The following EXOC6B variants were observed in gnomAD, a reference collection of about 807,000 sequenced individuals.
The protein encoded by EXOC6B is SEC15 homolog B.
A neutral mutation model predicts 113.5 loss-of-function variants in EXOC6B; 54 were observed. That is an observed-to-expected ratio of 0.48 (90% CI 0.38 to 0.60). The LOEUF (loss-of-function observed/expected upper bound fraction) is 0.60, where lower values mean the gene tolerates loss of function less well. EXOC6B is among the 20% of genes least tolerant of loss of function. The probability of loss-of-function intolerance (pLI) is 0.00; values close to 1 mark genes in which losing one functional copy is unlikely to be tolerated. For synonymous variants in EXOC6B, 357 were observed against 339.0 expected, an observed-to-expected ratio of 1.05 and a Z score of -0.58; for missense variants, 797 against 977.5, an observed-to-expected ratio of 0.82 and a Z score of 2.46.
chr2:72,716,306 T>C (rs1228463886), intron 6 of EXOC6B, among the ~76,000 whole-genome samples: 2 of 152,172 alleles, frequency 1.3e-5, no homozygotes, highest in African/African-American at 2.4e-5. Context: ...AAACACTATT[T>C]TGGGCTTGAG....
intron 16 of EXOC6B, among the ~76,000 whole-genome samples, chr2:72,482,685 T>C (rs1428265163): frequency 1.3e-5 from 2 of 151,970 alleles, no homozygotes; most frequent in African/African-American, 2.4e-5. Flanking sequence ...AATCAGAAAA[T>C]ACATTCTCAC....
At chr2:72,806,034 A>T (rs1284664165) in intron 1 of EXOC6B, among the ~76,000 whole-genome samples, 1 of 151,718 alleles carries the variant, frequency 6.6e-6, no homozygotes, top group East Asian at 1.9e-4. Context: ...TTTTTTTATC[A>T]TTTCAACTTT....
intron 8 of EXOC6B, among the ~76,000 whole-genome samples, chr2:72,551,599 G>A (rs1470810191): frequency 1.3e-5 from 2 of 151,758 alleles, no homozygotes; most frequent in East Asian, 3.9e-4. Flanking sequence ...CCGCCTCCCG[G>A]GTTCACGCCA....
intron 20 of EXOC6B, among the ~76,000 whole-genome samples, chr2:72,315,203 C>T (rs1031793336): frequency 2.0e-5 from 3 of 152,030 alleles, no homozygotes; most frequent in African/African-American, 7.2e-5. Flanking sequence ...TGGAAAAGAG[C>T]CTTCCAGAAA....
At chr2:72,227,597 T>C (rs1681325772) in intron 20 of EXOC6B, among the ~76,000 whole-genome samples, 1 of 152,186 alleles carries the variant, frequency 6.6e-6, no homozygotes, top group South Asian at 2.1e-4. Flanking sequence ...AGAGCACAAC[T>C]GATATGTTTT....
At chr2:72,657,133 G>C (rs959340153) in intron 6 of EXOC6B, among the ~76,000 whole-genome samples, 1 of 151,882 alleles carries the variant, frequency 6.6e-6, no homozygotes, top group Non-Finnish European at 1.5e-5. Flanking sequence ...TTACAGGTGT[G>C]AGCCACCGTG....
chr2:72,740,754 A>G (rs1442976079), intron 2 of EXOC6B, among the ~76,000 whole-genome samples: 1 of 152,180 alleles, frequency 6.6e-6, no homozygotes, highest in Non-Finnish European at 1.5e-5. Context: ...AGAACCAGCT[A>G]CTGATCACTG....
At chr2:72,376,602 C>G (rs368380923) in intron 19 of EXOC6B, among the ~76,000 whole-genome samples, 1 of 152,052 alleles carries the variant, frequency 6.6e-6, no homozygotes, top group South Asian at 2.1e-4. Flanking sequence ...TGTGTTAATA[C>G]TTTTTCTCAA....
chr2:72,554,002 G>A (rs1311204924), intron 8 of EXOC6B, among the ~76,000 whole-genome samples: 4 of 152,094 alleles, frequency 2.6e-5, no homozygotes, highest in Non-Finnish European at 4.4e-5. Context: ...AGTTTATAAA[G>A]ACAATGCCCC....
chr2:72,426,843 G>A (rs577920852), intron 18 of EXOC6B, among the ~76,000 whole-genome samples: 7 of 152,352 alleles, frequency 4.6e-5, no homozygotes, highest in Non-Finnish European at 7.3e-5. Flanking sequence ...CGGAGCGGCC[G>A]CTGCTACCAC....
chr2:72,648,480 C>T (rs546994194), intron 6 of EXOC6B, among the ~76,000 whole-genome samples: 1 of 152,306 alleles, frequency 6.6e-6, no homozygotes, highest in South Asian at 2.1e-4. Context: ...CACATGTACA[C>T]ATATGTTTCT....
Position 72,184,194 on chromosome 2 carries a change from A to C in EXOC6B, c.2197-7T>G. ...GGATGAAAAGATCCAAAAGCTGTAA[A>C]ATATCCAAACCCCACCCCAGGGATT... On this transcript the variant is annotated splice_polypyrimidine_tract_variant and splice_region_variant and intron_variant, in intron 20 of 21. Transcript: ENST00000272427. 2.7e-6 allele frequency: 4 copies of C among 1,505,546 alleles called. No homozygotes were observed. Among genetic ancestry groups the C allele is most frequent in the Non-Finnish European group, 3.6e-6 (4 of 1,104,650 alleles). The allele number at this position is 1,505,546 out of a possible 1,614,324, so 93.3% of individuals were successfully genotyped here.
At position 72,499,146 on chromosome 2, in the gene EXOC6B, A is replaced by G. The variant is rs183145761; in HGVS notation, c.1240-595T>C. Among the ~76,000 whole-genome samples, 102 of 152,248 alleles carry G rather than the reference A, an allele frequency of 6.7e-4. 3 individuals carry two copies. Among genetic ancestry groups the G allele is most frequent in the Admixed American group, 6.1e-3 (93 of 15,274 alleles). The stretch of plus-strand genomic sequence containing the variant: ...CTCAGGGTAAAGTTCAGGAAATGCT[A>G]TAAAAGAGATAAAAAGACCTAGTTC... On this transcript the variant is annotated intron_variant, in intron 12 of 21. Coordinates refer to ENST00000272427, the MANE Select transcript of EXOC6B (RefSeq NM_015189.3).
At chr2:72,749,929 G>T (rs774458016) in intron 1 of EXOC6B, among the ~76,000 whole-genome samples, 5 of 151,608 alleles carry the variant, frequency 3.3e-5, no homozygotes, top group African/African-American at 4.8e-5. Flanking sequence ...CCTAATAAAT[G>T]TAAGTAACCT....
At chr2:72,601,483 C>T (rs1263774706) in intron 6 of EXOC6B, among the ~76,000 whole-genome samples, 1 of 152,126 alleles carries the variant, frequency 6.6e-6, no homozygotes, top group East Asian at 1.9e-4. Context: ...CCGCGCCCAG[C>T]CTGTATGGCT....
At chr2:72,515,321 T>A in intron 8 of EXOC6B, 195 bp from the exon 9 acceptor site, 1 of 887,370 alleles carries the variant, frequency 1.1e-6, no homozygotes, top group African/African-American at 1.7e-5. Context: ...TACAAACCTG[T>A]AAGGATGTGT....
intron 18 of EXOC6B, among the ~76,000 whole-genome samples, chr2:72,381,724 G>C (rs1416039820): frequency 6.6e-6 from 1 of 152,136 alleles, no homozygotes; most frequent in Non-Finnish European, 1.5e-5. Flanking sequence ...CAAATATCCA[G>C]TTAAATGACT....
chr2:72,574,624 A>T (rs10865392), intron 7 of EXOC6B, among the ~76,000 whole-genome samples: 2 of 151,960 alleles, frequency 1.3e-5, no homozygotes, highest in African/African-American at 4.8e-5. Context: ...TGAGTACAAG[A>T]GTAAATGATT....
intron 1 of EXOC6B, among the ~76,000 whole-genome samples, chr2:72,819,875 T>G (rs771845435): frequency 6.6e-6 from 1 of 152,354 alleles, no homozygotes; most frequent in African/African-American, 2.4e-5. Context: ...TTCTAATCAC[T>G]TTTTAGATGA....
Sources: allele counts gnomAD v4.1 joint callset (sites outside exome capture counted in the v4.1 genomes callset), GRCh38; gene constraint gnomAD v4.1.1; transcripts MANE v1.5; gene names NCBI Gene and HGNC (gene_info 2026-07-23, HGNC 2026-07-21).